Variants in RBFOX3 observed in about 807,000 individuals in gnomAD.
RBFOX3 encodes RNA binding protein fox-1 homolog 3.
In RBFOX3, 17 loss-of-function variants were observed where a neutral mutation model predicts 48.7. The observed-to-expected ratio is 0.35, with a 90% CI of 0.24 to 0.52. RBFOX3 has a LOEUF of 0.52. Among genes scored for constraint, RBFOX3 ranks in the 20% least tolerant of loss-of-function variants. The pLI, the probability that RBFOX3 is intolerant of heterozygous loss-of-function variation, is 0.94. For synonymous variants in RBFOX3, 212 were observed against 209.5 expected (o/e 1.01, Z -0.10); for missense variants, 382 against 497.5 (o/e 0.77, Z 2.21).
chr17:79,468,932 A>G (rs901370744), intron 2 of RBFOX3, among the ~76,000 whole-genome samples: 12 of 134,204 alleles, frequency 8.9e-5, no homozygotes, highest in Admixed American at 6.1e-4. Flanking sequence ...GCAGATAGAG[A>G]CGGGAGGATG....
intron 2 of RBFOX3, among the ~76,000 whole-genome samples, chr17:79,476,971 C>CG (rs1598861718): frequency 6.6e-6 from 1 of 151,886 alleles, no homozygotes; most frequent in African/African-American, 2.4e-5. Context: ...AAGGTGCTCA[C>CG]CCTGTAACCC....
chr17:79,631,009 C>A, the RBFOX3 span, among the ~76,000 whole-genome samples: 1 of 152,122 alleles, frequency 6.6e-6, no homozygotes, highest in East Asian at 1.9e-4. Context: ...GCCGTCAGAG[C>A]CAGAGTCCAC....
chr17:79,506,771 G>C (rs1227597124), intron 1 of RBFOX3, among the ~76,000 whole-genome samples: 1 of 152,206 alleles, frequency 6.6e-6, no homozygotes, highest in Admixed American at 6.5e-5. Context: ...GAGGAGAAAC[G>C]AATCAGGATG....
chr17:79,510,695 G>A (rs1037956600), intron 1 of RBFOX3, among the ~76,000 whole-genome samples: 5 of 152,160 alleles, frequency 3.3e-5, no homozygotes, highest in Non-Finnish European at 5.9e-5. Context: ...AGGGCCCAGC[G>A]CCCCTACGAG....
At chr17:79,257,258 C>A (rs189535977) in intron 3 of RBFOX3, among the ~76,000 whole-genome samples, 6 of 152,212 alleles carry the variant, frequency 3.9e-5, no homozygotes, top group Non-Finnish European at 7.3e-5. Context: ...CCCCGAGCCC[C>A]GGGAGGTTTG....
At chr17:79,469,634 T>C (rs1203797702) in intron 2 of RBFOX3, among the ~76,000 whole-genome samples, 1 of 151,828 alleles carries the variant, frequency 6.6e-6, no homozygotes, top group East Asian at 1.9e-4. Flanking sequence ...ACTCCCTCCC[T>C]CCACCCACAG....
chr17:79,483,446 C>CCCTCCCTCCCTCCCTGCCTG (rs2079056031), intron 1 of RBFOX3, among the ~76,000 whole-genome samples: 1 of 109,150 alleles, frequency 9.2e-6, no homozygotes. Context: ...AGGCCTCCCT[C>CCCTCCCTCCCTCCCTGCCTG]CCTCCCTCCC....
chr17:79,177,988 C>T (rs1361600299), intron 4 of RBFOX3, among the ~76,000 whole-genome samples: 2 of 152,216 alleles, frequency 1.3e-5, no homozygotes, highest in African/African-American at 4.8e-5. Flanking sequence ...TCCGAGGCTG[C>T]TGGCTGCGCA....
At chr17:79,383,995 C>T (rs999420751) in intron 2 of RBFOX3, among the ~76,000 whole-genome samples, 4 of 152,304 alleles carry the variant, frequency 2.6e-5, no homozygotes, top group Admixed American at 2.0e-4. Context: ...CAAAGCCAGA[C>T]ACGGGGCTAG....
intron 2 of RBFOX3, among the ~76,000 whole-genome samples, chr17:79,331,555 T>G (rs939550024): frequency 6.6e-6 from 1 of 152,204 alleles, no homozygotes; most frequent in African/African-American, 2.4e-5. Flanking sequence ...CAGCCTGCAC[T>G]GCTCAGTGTT....
At chr17:79,422,908 T>C (rs1555723463) in intron 2 of RBFOX3, among the ~76,000 whole-genome samples, 1 of 152,144 alleles carries the variant, frequency 6.6e-6, no homozygotes, top group African/African-American at 2.4e-5. Flanking sequence ...TCTCTTCCTC[T>C]CCCTGTCTCC....
intron 3 of RBFOX3, among the ~76,000 whole-genome samples, chr17:79,263,286 C>T (rs150946305): frequency 6.6e-6 from 1 of 152,378 alleles, no homozygotes; most frequent in Admixed American, 6.5e-5. Flanking sequence ...TCTCTCCCGG[C>T]CCAGCATTGG....
chr17:79,295,267 C>G (rs989667147), intron 3 of RBFOX3, among the ~76,000 whole-genome samples: 4 of 152,232 alleles, frequency 2.6e-5, no homozygotes, highest in African/African-American at 7.2e-5. Context: ...TAAAGGCAAT[C>G]CTGCCTGCCC....
rs1044413655 is a variant in RBFOX3 at position 79,420,191 on chromosome 17, G to T, written c.-175+62263C>A. 4.8e-5 allele frequency among the ~76,000 whole-genome samples: 7 copies of T among 147,342 alleles called. No individual in the cohort carries two copies. The East Asian group carries it at 5.9e-4, about 12-fold the overall frequency. On this transcript the variant is annotated intron_variant, in intron 2 of 14. Transcript: ENST00000693108. ...CACACACACAAAAGATGGTTAACAG[G>T]TGTGCCTCCTTTTAGGCAAATCTGA...
At chr17:79,164,327 G>T (rs1358118769) in intron 4 of RBFOX3, among the ~76,000 whole-genome samples, 9 of 152,196 alleles carry the variant, frequency 5.9e-5, no homozygotes, top group Admixed American at 5.9e-4. Flanking sequence ...GACTTCCTGT[G>T]GGCAGCACCG....
chr17:79,543,913 C>T (rs1440943598), intron 1 of RBFOX3, among the ~76,000 whole-genome samples: 4 of 152,114 alleles, frequency 2.6e-5, no homozygotes, highest in African/African-American at 9.7e-5. Context: ...GAGCCCCCTA[C>T]CCCCCAGAGC....
At chr17:79,554,719 A>G (rs1303126137) in intron 1 of RBFOX3, among the ~76,000 whole-genome samples, 1 of 152,270 alleles carries the variant, frequency 6.6e-6, no homozygotes, top group Admixed American at 6.5e-5. Flanking sequence ...TACAGGGTGG[A>G]TAGTAATTTT....
At chr17:79,583,822 C>T (rs1363575727) in intron 1 of RBFOX3, among the ~76,000 whole-genome samples, 6 of 152,176 alleles carry the variant, frequency 3.9e-5, no homozygotes, top group African/African-American at 7.2e-5. Context: ...GGCAGGAGGC[C>T]GCGGCCATGG....
chr17:79,459,611 C>T (rs1262271117), intron 2 of RBFOX3, among the ~76,000 whole-genome samples: 1 of 152,052 alleles, frequency 6.6e-6, no homozygotes, highest in African/African-American at 2.4e-5. Flanking sequence ...ACCACCCCCA[C>T]CCCCACCAAT....
Sources: allele counts gnomAD v4.1 joint callset (sites outside exome capture counted in the v4.1 genomes callset), GRCh38; gene constraint gnomAD v4.1.1; transcripts MANE v1.5; gene names NCBI Gene and HGNC (gene_info 2026-07-23, HGNC 2026-07-21).